RPS6KA2: variants seen among roughly 807,000 people sequenced by gnomAD.
RPS6KA2 encodes ribosomal protein S6 kinase A2.
In RPS6KA2, 42 loss-of-function variants were observed where a neutral mutation model predicts 91.8. The observed-to-expected ratio is 0.46, with a 90% CI of 0.36 to 0.59. The LOEUF (loss-of-function observed/expected upper bound fraction) is 0.59. Ranked by LOEUF, RPS6KA2 falls within the 20% of genes least tolerant of loss-of-function variation. The pLI is 0.00. For missense variants in RPS6KA2, 798 were observed against 978.5 expected (o/e 0.82, Z 2.46); for synonymous variants, 414 against 393.6 (o/e 1.05, Z -0.61).
At chr6:166,797,114 G>C (rs1409209846) in intron 2 of RPS6KA2, among the ~76,000 whole-genome samples, 2 of 152,136 alleles carry the variant, frequency 1.3e-5, no homozygotes, top group African/African-American at 2.4e-5. Flanking sequence ...ACAATCCCTG[G>C]GTTGGAAAAA....
At chr6:166,482,568 G>A (rs1324839817) in intron 10 of RPS6KA2, among the ~76,000 whole-genome samples, 1 of 152,178 alleles carries the variant, frequency 6.6e-6, no homozygotes. Flanking sequence ...GCAATGACAG[G>A]GAGCCACTCA....
intron 2 of RPS6KA2, among the ~76,000 whole-genome samples, chr6:166,830,209 C>G (rs1248927538): frequency 6.6e-6 from 1 of 151,586 alleles, no homozygotes; most frequent in Non-Finnish European, 1.5e-5. Context: ...AGCCCATAAC[C>G]TTGAGGACAT....
At position 166,500,929 on chromosome 6, in the gene RPS6KA2, A is replaced by C. The variant is rs2128478238; in HGVS notation, c.567-5T>G. On this transcript the variant is annotated splice_region_variant and splice_polypyrimidine_tract_variant and intron_variant, in intron 6 of 20. Transcript: ENST00000265678. This position sits in a 1 kb window ranked among gnomAD's most constrained non-coding sequence, Gnocchi z 4.3. ...CCCTCTTCATCCAGGAGGATGCTAA[A>C]AGAAAGGGAGAGAAAACAGATGCTT... 1 of 1,613,672 alleles carries C rather than the reference A, an allele frequency of 6.2e-7. No individual in the cohort carries two copies. Among genetic ancestry groups the C allele is most frequent in the Non-Finnish European group, 8.5e-7 (1 of 1,179,670 alleles).
At chr6:166,727,055 G>A (rs1790358857) in intron 2 of RPS6KA2, among the ~76,000 whole-genome samples, 1 of 152,162 alleles carries the variant, frequency 6.6e-6, no homozygotes, top group African/African-American at 2.4e-5. Flanking sequence ...GGACACTGCT[G>A]TGTTCGTTCA....
At chr6:166,755,608 A>G (rs897467588) in intron 2 of RPS6KA2, among the ~76,000 whole-genome samples, 2 of 152,092 alleles carry the variant, frequency 1.3e-5, no homozygotes, top group Non-Finnish European at 2.9e-5. Flanking sequence ...TCCTTTCGAC[A>G]CGCACCATGG....
chr6:166,751,106 C>T (rs1272868444), intron 2 of RPS6KA2, among the ~76,000 whole-genome samples: 1 of 152,190 alleles, frequency 6.6e-6, no homozygotes, highest in Admixed American at 6.5e-5. Context: ...TGACGGCAGG[C>T]CTCCAGGTTC....
chr6:166,856,631 A>T (rs1333551634), intron 2 of RPS6KA2, among the ~76,000 whole-genome samples: 1 of 152,206 alleles, frequency 6.6e-6, no homozygotes, highest in African/African-American at 2.4e-5. Context: ...TCATCACATA[A>T]GTCTGTCTGC....
chr6:166,459,768 C>T lies in RPS6KA2; in HGVS notation c.973-217G>A, dbSNP rs1055336917. Among the ~76,000 whole-genome samples, 14 of 152,182 alleles carry T rather than the reference C, an allele frequency of 9.2e-5. No individual in the cohort carries two copies. In the East Asian group the frequency reaches 1.2e-3, roughly 13 times the overall value. On this transcript the variant is annotated intron_variant, in intron 11 of 20. Coordinates refer to ENST00000265678, the MANE Select transcript of RPS6KA2 (RefSeq NM_021135.6). The surrounding 1 kb of genome is among the most constrained non-coding windows in gnomAD (Gnocchi z 4.9). ...ATAGATACTATGGCATATATAATAA[C>T]GATGTATTATAGAAAGGTATAGAAA...
intron 2 of RPS6KA2, among the ~76,000 whole-genome samples, chr6:166,836,183 G>T (rs6902428): frequency 1.3e-5 from 2 of 151,572 alleles, no homozygotes; most frequent in Admixed American, 6.6e-5. Context: ...GGAGAGACAT[G>T]GTCCTATAGT....
chr6:166,793,186 A>G (rs1337322345), intron 2 of RPS6KA2, among the ~76,000 whole-genome samples: 1 of 152,146 alleles, frequency 6.6e-6, no homozygotes, highest in Admixed American at 6.5e-5. Flanking sequence ...TACAAAAATC[A>G]CAAGCAGTCT....
chr6:166,479,400 G>A (rs546335793), intron 10 of RPS6KA2, among the ~76,000 whole-genome samples: 81 of 152,362 alleles, frequency 5.3e-4, no homozygotes, highest in African/African-American at 1.9e-3. Flanking sequence ...CCACGGCGAG[G>A]TGGCAGTGTG....
intron 2 of RPS6KA2, among the ~76,000 whole-genome samples, chr6:166,837,472 G>A (rs946507889): frequency 1.3e-5 from 2 of 152,200 alleles, no homozygotes; most frequent in African/African-American, 4.8e-5. Context: ...ACCACAAGAG[G>A]GAAAAGGCGA....
Position 166,540,628 on chromosome 6 carries a change from T to C in RPS6KA2, c.100-1844A>G, listed in dbSNP as rs1460719768. On this transcript the variant is annotated intron_variant, in intron 1 of 20. Transcript: ENST00000265678. ...GGCACAGCCCAGCCAATGGGCATTA[T>C]ATTTAGATGCTAATTTGTGAGGGGA... Among the ~76,000 whole-genome samples the C allele has an allele frequency of 2.0e-5, 3 of 152,240 alleles. No homozygotes were observed. The East Asian group carries it at 5.8e-4, about 29-fold the overall frequency.
chr6:166,758,157 G>C (rs980277731), intron 2 of RPS6KA2, among the ~76,000 whole-genome samples: 3 of 152,212 alleles, frequency 2.0e-5, no homozygotes, highest in African/African-American at 7.2e-5. Context: ...GAAAGGAGGA[G>C]GCAGGCGTAG....
intron 2 of RPS6KA2, among the ~76,000 whole-genome samples, chr6:166,691,535 G>C (rs1562385903): frequency 6.6e-6 from 1 of 152,062 alleles, no homozygotes; most frequent in Non-Finnish European, 1.5e-5. Context: ...AGGGTACTGT[G>C]CTCAGCCCGG....
chr6:166,607,140 CA>C (rs35281961), intron 1 of RPS6KA2, among the ~76,000 whole-genome samples: 1,104 of 97,868 alleles, frequency 0.011, 19 homozygotes, highest in African/African-American at 0.034. Flanking sequence ...AAAACTCCGT[CA>C]AAAAAAAAAA....
At chr6:166,817,598 C>T (rs906997537) in intron 2 of RPS6KA2, among the ~76,000 whole-genome samples, 7 of 152,276 alleles carry the variant, frequency 4.6e-5, no homozygotes, top group Admixed American at 1.3e-4. Context: ...TTGAAAGAAT[C>T]GCACAAGGAG....
chr6:166,573,723 G>C (rs1232157084), intron 1 of RPS6KA2, among the ~76,000 whole-genome samples: 1 of 152,254 alleles, frequency 6.6e-6, no homozygotes. Flanking sequence ...CCAGAGCCTG[G>C]TGGCATAAGC....
At chr6:166,816,626 G>A (rs1421644030) in intron 2 of RPS6KA2, among the ~76,000 whole-genome samples, 2 of 151,940 alleles carry the variant, frequency 1.3e-5, no homozygotes, top group East Asian at 3.8e-4. Context: ...CCCAATTAAT[G>A]GATCTTTGAA....
Sources: gnomAD v4.1 joint callset for allele counts (sites outside exome capture counted in the v4.1 genomes callset) on GRCh38, gnomAD v4.1.1 for gene constraint, Gnocchi (gnomAD v3.1) non-coding constraint, MANE v1.5 for transcripts, NCBI Gene and HGNC (gene_info 2026-07-23, HGNC 2026-07-21) for gene names.